C8orf34: variants seen among roughly 807,000 people sequenced by gnomAD.
C8orf34 encodes uncharacterized protein C8orf34.
A neutral mutation model predicts 68.3 loss-of-function variants in C8orf34; 65 were observed. The ratio of observed to expected loss-of-function variants is 0.95; its 90% CI spans 0.78 to 1.17. The LOEUF (loss-of-function observed/expected upper bound fraction) is 1.17. C8orf34 is among the 50% of genes most tolerant of loss of function. C8orf34 has a pLI of 0.00. For missense variants in C8orf34, 664 were observed against 655.4 expected (o/e 1.01, Z -0.14); for synonymous variants, 244 against 241.2 (o/e 1.01, Z -0.11).
At chr8:68,371,031 C>A (rs575914101) in intron 1 of C8orf34, among the ~76,000 whole-genome samples, 3 of 152,054 alleles carry the variant, frequency 2.0e-5, no homozygotes, top group South Asian at 2.1e-4. Flanking sequence ...TTGCAAACAA[C>A]GGCCCAGATG....
At chr8:68,715,675 G>A (rs990375173) in intron 9 of C8orf34, among the ~76,000 whole-genome samples, 3 of 151,640 alleles carry the variant, frequency 2.0e-5, no homozygotes, top group African/African-American at 4.8e-5. Context: ...AAAGATGTTG[G>A]TGTGGATGTG....
chr8:68,670,050 G>A (rs1030200873), intron 8 of C8orf34, among the ~76,000 whole-genome samples: 1 of 152,112 alleles, frequency 6.6e-6, no homozygotes, highest in South Asian at 2.1e-4. Flanking sequence ...ACAGCATGCT[G>A]CTAGCCTCCC....
At chr8:68,475,378 A>G (rs1295425505) in intron 4 of C8orf34, among the ~76,000 whole-genome samples, 1 of 152,176 alleles carries the variant, frequency 6.6e-6, no homozygotes, top group Admixed American at 6.5e-5. Flanking sequence ...GGGCAGAGCC[A>G]CTTTGCTCTT....
intron 7 of C8orf34, among the ~76,000 whole-genome samples, chr8:68,584,606 A>T (rs967783522): frequency 1.3e-5 from 2 of 152,154 alleles, no homozygotes; most frequent in African/African-American, 4.8e-5. Context: ...ATTAGTCATA[A>T]TCATAGCCAG....
intron 7 of C8orf34, among the ~76,000 whole-genome samples, chr8:68,542,856 G>T (rs1815746854): frequency 6.6e-6 from 1 of 151,944 alleles, no homozygotes; most frequent in Non-Finnish European, 1.5e-5. Context: ...TTCTTTTTCT[G>T]CCAAGTAGCA....
At chr8:68,724,823 T>C (rs150874131) in intron 10 of C8orf34, among the ~76,000 whole-genome samples, 4 of 152,268 alleles carry the variant, frequency 2.6e-5, no homozygotes, top group Admixed American at 6.5e-5. Flanking sequence ...GAACACTTAA[T>C]GTCGATGATT....
chr8:68,615,501 G>T (rs569416431), intron 7 of C8orf34, among the ~76,000 whole-genome samples: 64 of 152,106 alleles, frequency 4.2e-4, no homozygotes, highest in South Asian at 1.2e-3. Flanking sequence ...TAGCATGAAG[G>T]GTTGCTGAAT....
chr8:68,567,666 C>T (rs1442619123), intron 7 of C8orf34, among the ~76,000 whole-genome samples: 2 of 124,920 alleles, frequency 1.6e-5, no homozygotes, highest in African/African-American at 3.0e-5. Flanking sequence ...GCAATCTCGG[C>T]TCACTGCAAA....
chr8:68,392,474 G>A (rs1808516644), intron 1 of C8orf34, among the ~76,000 whole-genome samples: 2 of 151,910 alleles, frequency 1.3e-5, no homozygotes, highest in South Asian at 4.2e-4. Context: ...ATACAAGAAT[G>A]TTTACTGGAT....
intron 8 of C8orf34, among the ~76,000 whole-genome samples, chr8:68,702,472 G>A (rs1344821944): frequency 6.6e-6 from 1 of 151,974 alleles, no homozygotes; most frequent in Non-Finnish European, 1.5e-5. Context: ...TACTTGCAAC[G>A]TATTCAATTC....
chr8:68,795,154 T>C (rs1331451207), intron 12 of C8orf34, among the ~76,000 whole-genome samples: 2 of 152,146 alleles, frequency 1.3e-5, no homozygotes, highest in Non-Finnish European at 2.9e-5. Flanking sequence ...CCTTTATAAT[T>C]TGTATCTCTT....
intron 1 of C8orf34, among the ~76,000 whole-genome samples, chr8:68,367,925 A>G (rs992146799): frequency 9.0e-4 from 133 of 148,034 alleles, no homozygotes; most frequent in African/African-American, 3.2e-3. Context: ...AAAAAAAAAA[A>G]AAAAAAAAAA....
chr8:68,367,607 G>A (rs1807333876), intron 1 of C8orf34, among the ~76,000 whole-genome samples: 1 of 126,378 alleles, frequency 7.9e-6, no homozygotes, highest in Non-Finnish European at 1.6e-5. Flanking sequence ...TAGGGACATG[G>A]ATGAAATTGG....
intron 8 of C8orf34, among the ~76,000 whole-genome samples, chr8:68,682,137 A>T (rs777024930): frequency 6.6e-6 from 1 of 152,144 alleles, no homozygotes; most frequent in Non-Finnish European, 1.5e-5. Context: ...TGTAGTCTGT[A>T]GTACTGTAGT....
At chr8:68,669,684 T>G (rs1228205606) in intron 8 of C8orf34, among the ~76,000 whole-genome samples, 1 of 152,194 alleles carries the variant, frequency 6.6e-6, no homozygotes. Context: ...AGCTCACAGA[T>G]GGATTCATAC....
chr8:68,391,847 A>G (rs1808491742), intron 1 of C8orf34, among the ~76,000 whole-genome samples: 1 of 152,152 alleles, frequency 6.6e-6, no homozygotes, highest in South Asian at 2.1e-4. Flanking sequence ...GAGTGACATA[A>G]ATCACTTTTG....
rs190887237 is a variant in C8orf34, at chr8:68,815,909, G to T, written c.1573G>T (p.Val525Phe). ...EKRSADLLLC[V>F]PCSSCPTLVY... ...AGGTTCCGCTGATCTTCTTCTTTGC[G>T]TTCCATGCTCTTCTTGTCCTACGCT... is the stretch of plus-strand genomic sequence containing the variant. Residue 525 changes from valine (V) to phenylalanine (F), a missense_variant, in exon 13 of 14, where the codon GTT (valine) becomes TTT (phenylalanine). Coordinates refer to ENST00000518698, the MANE Select transcript of C8orf34 (RefSeq NM_052958.4). The T allele has an allele frequency of 6.2e-7, 1 of 1,613,546 alleles. No homozygotes were observed. Among genetic ancestry groups the T allele is most frequent in the Non-Finnish European group, 8.5e-7 (1 of 1,179,792 alleles).
At chr8:68,598,367 A>G (rs1817605463) in intron 7 of C8orf34, among the ~76,000 whole-genome samples, 1 of 152,152 alleles carries the variant, frequency 6.6e-6, no homozygotes, top group Non-Finnish European at 1.5e-5. Flanking sequence ...GCTTATGGAG[A>G]TCAAAAGCTA....
At chr8:68,648,934 T>C (rs149974124) in intron 8 of C8orf34, among the ~76,000 whole-genome samples, 140 of 152,352 alleles carry the variant, frequency 9.2e-4, no homozygotes, top group African/African-American at 3.2e-3. Flanking sequence ...GTGAACTCAT[T>C]TCAAATTGTC....
Sources: allele counts gnomAD v4.1 joint callset (sites outside exome capture counted in the v4.1 genomes callset), GRCh38; gene constraint gnomAD v4.1.1; transcripts MANE v1.5; gene names NCBI Gene and HGNC (gene_info 2026-07-23, HGNC 2026-07-21).